NKAIN3: variants seen among roughly 807,000 people sequenced by gnomAD.
The protein encoded by NKAIN3 is sodium/potassium transporting ATPase interacting 3.
In NKAIN3, 25 loss-of-function variants were observed where a neutral mutation model predicts 30.2. The ratio of observed to expected loss-of-function variants is 0.83; its 90% confidence interval spans 0.60 to 1.16. The LOEUF is 1.16. NKAIN3 is among the 50% of genes most tolerant of loss of function. The pLI, the probability that NKAIN3 is intolerant of heterozygous loss-of-function variation, is 0.00. For synonymous variants in NKAIN3, 91 were observed against 89.6 expected (o/e 1.02, Z -0.09); for missense variants, 225 against 254.1 (o/e 0.89, Z 0.78).
At chr8:62,376,014 A>G (rs187853316) in intron 1 of NKAIN3, among the ~76,000 whole-genome samples, 9 of 152,260 alleles carry the variant, frequency 5.9e-5, no homozygotes, top group East Asian at 1.9e-4. Context: ...AAGAGATGCA[A>G]TCTCTCTCCT....
chr8:62,275,504 T>C (rs974699712), intron 1 of NKAIN3, among the ~76,000 whole-genome samples: 1 of 152,226 alleles, frequency 6.6e-6, no homozygotes, highest in African/African-American at 2.4e-5. Flanking sequence ...AGCTGATTGC[T>C]TCCATATTGA....
intron 3 of NKAIN3, among the ~76,000 whole-genome samples, chr8:62,599,212 C>T (rs574264961): frequency 3.9e-5 from 6 of 152,140 alleles, no homozygotes; most frequent in Admixed American, 6.5e-5. Context: ...GCCAGCCTGC[C>T]CTGCAGCAGG....
At chr8:62,995,389 G>C (rs1385685979) in intron 5 of NKAIN3, among the ~76,000 whole-genome samples, 3 of 152,178 alleles carry the variant, frequency 2.0e-5, no homozygotes, top group Non-Finnish European at 4.4e-5. Context: ...AGAAGCAAGA[G>C]AGTAGATGAA....
intron 4 of NKAIN3, among the ~76,000 whole-genome samples, chr8:62,859,507 C>CAAAAAAAAAAAAAAAAAAAAA (rs1563597734): frequency 1.0e-4 from 1 of 9,932 alleles, no homozygotes; most frequent in African/African-American, 2.1e-4. Flanking sequence ...CTTACTTCAA[C>CAAAAAAAAAAAAAAAAAAAAA]TAAAAAAAAA....
chr8:62,843,228 T>A (rs770238229), intron 4 of NKAIN3, among the ~76,000 whole-genome samples: 11 of 151,904 alleles, frequency 7.2e-5, no homozygotes, highest in Non-Finnish European at 1.5e-4. Flanking sequence ...CAGATTAAGC[T>A]GGAAAAGGCA....
At chr8:62,858,874 T>G (rs1336811430) in intron 4 of NKAIN3, among the ~76,000 whole-genome samples, 1 of 152,200 alleles carries the variant, frequency 6.6e-6, no homozygotes, top group Non-Finnish European at 1.5e-5. Context: ...CACAGGCCAA[T>G]GCTGCTTGGC....
At chr8:62,862,229 CAGA>C (rs1291102510) in intron 4 of NKAIN3, among the ~76,000 whole-genome samples, 2 of 151,596 alleles carry the variant, frequency 1.3e-5, no homozygotes, top group South Asian at 2.1e-4. Flanking sequence ...CATAGTTAAA[CAGA>C]AGAAGAAATA....
At chr8:62,999,585 A>T (rs1804207368) in exon 6 of NKAIN3, 1 of 152,180 alleles carries the variant, frequency 6.6e-6, no homozygotes. Flanking sequence ...TCCTTGAGTT[A>T]TCTTTTCATT....
chr8:62,580,896 G>A (rs1485477747), intron 2 of NKAIN3, among the ~76,000 whole-genome samples: 3 of 103,494 alleles, frequency 2.9e-5, no homozygotes, highest in Non-Finnish European at 6.5e-5. Context: ...TTCAAGAGCA[G>A]CTAGGGTTTT....
intron 1 of NKAIN3, among the ~76,000 whole-genome samples, chr8:62,413,320 CAT>C (rs752968985): frequency 2.6e-5 from 4 of 152,156 alleles, no homozygotes; most frequent in East Asian, 3.8e-4. Context: ...AGTAAGCACA[CAT>C]GTCTGGAGTG....
At chr8:62,990,120 C>A in intron 5 of NKAIN3, 3 of 882,108 alleles carry the variant, frequency 3.4e-6, no homozygotes, top group South Asian at 3.5e-5. Flanking sequence ...CTAATAAGAT[C>A]AATTTAAATG....
intron 4 of NKAIN3, among the ~76,000 whole-genome samples, chr8:62,883,457 G>GTTGTT: frequency 1.4e-5 from 1 of 70,226 alleles, no homozygotes; most frequent in Non-Finnish European, 2.4e-5. Flanking sequence ...AGTTTTATGG[G>GTTGTT]TTTTTTTTTT....
At chr8:62,564,212 A>G (rs1809674205) in intron 1 of NKAIN3, among the ~76,000 whole-genome samples, 1 of 152,162 alleles carries the variant, frequency 6.6e-6, no homozygotes, top group African/African-American at 2.4e-5. Flanking sequence ...TCCTTTAGAT[A>G]CTAATTTTAA....
rs375960222 is a variant in NKAIN3 at position 62,443,471 on chromosome 8, C to A, written c.55-136068C>A. Among the ~76,000 whole-genome samples, 36 of 152,232 alleles carry A rather than the reference C, an allele frequency of 2.4e-4. No individual in the cohort carries two copies. In the East Asian group the frequency reaches 4.1e-3, roughly 17 times the overall value. On this transcript the variant is annotated intron_variant, in intron 1 of 6. Coordinates refer to ENST00000623646, the MANE Select transcript of NKAIN3 (RefSeq NM_001304533.3). Reference sequence around the variant, plus strand: ...CAATCTCGGCTCACTGCAACGTCCACCTTCCGGATTCAAGAGATTCTCCTG... The same window carrying A: ...CAATCTCGGCTCACTGCAACGTCCAACTTCCGGATTCAAGAGATTCTCCTG...
At chr8:62,262,196 G>A (rs1392419436) in intron 1 of NKAIN3, among the ~76,000 whole-genome samples, 1 of 151,992 alleles carries the variant, frequency 6.6e-6, no homozygotes, top group Non-Finnish European at 1.5e-5. Flanking sequence ...TTTTTCTTTT[G>A]TTTTGTTTTT....
intron 1 of NKAIN3, among the ~76,000 whole-genome samples, chr8:62,564,319 T>C (rs1295271585): frequency 6.6e-6 from 1 of 152,132 alleles, no homozygotes; most frequent in Non-Finnish European, 1.5e-5. Flanking sequence ...ACCTTCTGTC[T>C]TGCTCCCTAC....
At chr8:62,597,320 C>T (rs940946435) in intron 3 of NKAIN3, among the ~76,000 whole-genome samples, 1 of 152,050 alleles carries the variant, frequency 6.6e-6, no homozygotes, top group Non-Finnish European at 1.5e-5. Context: ...AAATGGGTAT[C>T]GGCTTTCTGA....
chr8:62,614,051 A>G (rs985428544), intron 3 of NKAIN3, among the ~76,000 whole-genome samples: 5 of 151,846 alleles, frequency 3.3e-5, no homozygotes, highest in African/African-American at 9.7e-5. Context: ...GTGAGGTTAT[A>G]TTTTTCTGGA....
At chr8:62,882,534 T>C (rs574266053) in intron 4 of NKAIN3, among the ~76,000 whole-genome samples, 1 of 152,138 alleles carries the variant, frequency 6.6e-6, no homozygotes, top group African/African-American at 2.4e-5. Flanking sequence ...GCCAGGCTGG[T>C]CTCGAACTCT....
Sources: gnomAD v4.1 joint callset for allele counts (sites outside exome capture counted in the v4.1 genomes callset) on GRCh38, gnomAD v4.1.1 for gene constraint, MANE v1.5 for transcripts, NCBI Gene and HGNC (gene_info 2026-07-23, HGNC 2026-07-21) for gene names.